PTPN7: variants seen among roughly 807,000 people sequenced by gnomAD.
PTPN7 encodes protein tyrosine phosphatase non-receptor type 7, also known as tyrosine-protein phosphatase non-receptor type 7.
PTPN7 carries 33 observed loss-of-function variants against 50.3 expected under a neutral mutation model. The ratio of observed to expected loss-of-function variants is 0.66; its 90% CI spans 0.50 to 0.88. PTPN7 has a LOEUF of 0.88. Ranked by LOEUF, PTPN7 falls within the 40% of genes least tolerant of loss-of-function variation. PTPN7 has a pLI of 0.00. For missense variants in PTPN7, 412 were observed against 475.4 expected (o/e 0.87, Z 1.24); for synonymous variants, 185 against 186.6 (o/e 0.99, Z 0.07).
At chr1:202,155,831 C>T (rs1332056516) in intron 4 of PTPN7, among the ~76,000 whole-genome samples, 3 of 152,328 alleles carry the variant, frequency 2.0e-5, no homozygotes, top group Non-Finnish European at 4.4e-5. Context: ...GCGATCATAG[C>T]TCACTGTAAC....
upstream of PTPN7, chr1:202,160,962 T>C (rs1657319353): frequency 7.0e-7 from 1 of 1,427,508 alleles, no homozygotes; most frequent in Admixed American, 2.9e-5. The surrounding 1 kb of genome is among the most constrained non-coding windows in gnomAD (Gnocchi z 4.8). Flanking sequence ...CTGCTCAACC[T>C]GACCTTGGCC....
Position 202,157,917 on chromosome 1 carries a change from T to C in PTPN7, c.307-94A>G, listed in dbSNP as rs1253744292. ...AGAACAGCTGGACTCTGGCCATTCC[T>C]TCTTGACAATAGTATGTAGGCCTAG... On this transcript the variant is annotated intron_variant, in intron 3 of 9. Transcript: ENST00000691036. 7 of 1,405,786 alleles carry C rather than the reference T, an allele frequency of 5.0e-6. No homozygotes were observed. The African/African-American group carries it at 5.7e-5, about 11-fold the overall frequency. The allele number at this position is 1,405,786 out of a possible 1,614,324, so 87.1% of individuals were successfully genotyped here. A position where few individuals can be genotyped will look rare whatever the true frequency, so the allele number is the denominator to read the frequency against.
chr1:202,149,619 C>T (rs547402731), intron 9 of PTPN7, among the ~76,000 whole-genome samples: 1 of 151,630 alleles, frequency 6.6e-6, no homozygotes, highest in East Asian at 1.9e-4. Flanking sequence ...ATAGTGAGAC[C>T]CCCATCTCTA....
At chr1:202,152,391 A>T (rs955213615) in intron 8 of PTPN7, 151 bp downstream of exon 8, 1 of 933,454 alleles carries the variant, frequency 1.1e-6, no homozygotes, top group Non-Finnish European at 1.5e-6. Context: ...TAAAAAGAAC[A>T]GAGCCCTTGC....
upstream of PTPN7, chr1:202,161,318 G>GCTTC: frequency 8.5e-7 from 1 of 1,172,636 alleles, no homozygotes; most frequent in Non-Finnish European, 1.1e-6. Flanking sequence ...AGTCCGAGGG[G>GCTTC]CTTCCCCTGG....
In PTPN7 at chr1:202,159,566, C is replaced by T; in HGVS notation, c.-52-112G>A. 6.7e-7 allele frequency: 1 copy of T among 1,498,684 alleles called. No individual in the cohort carries two copies. Among genetic ancestry groups the T allele is most frequent in the Non-Finnish European group, 8.9e-7 (1 of 1,127,374 alleles). 92.8% of individuals were successfully genotyped at this position (1,498,684 alleles called of 1,614,324 possible). A position where few individuals can be genotyped will look rare whatever the true frequency, so the allele number is the denominator to read the frequency against. ...GTTTTCACTGGGGCGTCTTCTGTTC[C>T]CCAAGAGGTGGCCTCATTTTCACTA... On this transcript the variant is annotated intron_variant, in intron 1 of 9. Transcript: ENST00000691036. This position sits in a 1 kb window ranked among gnomAD's most constrained non-coding sequence, Gnocchi z 4.6.
At chr1:202,150,266 G>T (rs115609498) in intron 9 of PTPN7, 45 bp downstream of exon 9, 7 of 1,480,414 alleles carry the variant, frequency 4.7e-6, no homozygotes, top group African/African-American at 1.4e-5. Flanking sequence ...AGGCACTGAT[G>T]CCATCCGTTA....
In PTPN7 at chr1:202,148,465, GA is replaced by G. The variant is rs1430368990; in HGVS notation, c.*140del. 1 of 629,136 alleles carries G rather than the reference GA, an allele frequency of 1.6e-6. No individual in the cohort carries two copies. The highest frequency in any genetic ancestry group is 3.0e-5 in the Admixed American group (1 of 33,270). 39.0% of individuals were successfully genotyped at this position (629,136 alleles called of 1,614,324 possible). A position where few individuals can be genotyped will look rare whatever the true frequency, so the allele number is the denominator to read the frequency against. ...TGTCCTTACTGCTGCTGCTTCCTGT[GA>G]CTGCAAGCACCACTAAGGAGGCACT... On this transcript the variant is annotated 3_prime_UTR_variant, in exon 10 of 10. Transcript: ENST00000691036.
chr1:202,154,280 G>A lies in PTPN7; in HGVS notation c.512C>T (p.Pro171Leu), dbSNP rs1042580383. 1.2e-6 allele frequency: 2 copies of A among 1,614,122 alleles called. No homozygotes were observed. The highest frequency in any genetic ancestry group is 1.7e-6 in the Non-Finnish European group (2 of 1,180,022). Residue 171 changes from proline (P) to leucine (L), a missense_variant, in exon 6 of 10, where the codon CCC becomes CTC. Coordinates refer to ENST00000691036, the MANE Select transcript of PTPN7 (RefSeq NM_002832.4). The stretch of plus-strand genomic sequence containing the variant: ...GAAGTCCGACACAGTGTTGGGCATG[G>A]GGCCCTGGGTGGCAATGTAGACCTT... ...KEKVYIATQG[P>L]MPNTVSDFWE...
chr1:202,159,574 G>A lies in PTPN7; in HGVS notation c.-52-120C>T. ...TGGGGCGTCTTCTGTTCCCCAAGAGGTGGCCTCATTTTCACTAAGGGAAGG... is the reference window on the plus strand; with the variant it reads ...TGGGGCGTCTTCTGTTCCCCAAGAGATGGCCTCATTTTCACTAAGGGAAGG... On this transcript the variant is annotated intron_variant, in intron 1 of 9. Transcript: ENST00000691036. The surrounding 1 kb of genome is among the most constrained non-coding windows in gnomAD (Gnocchi z 4.6). 2 of 1,494,652 alleles carry A rather than the reference G, an allele frequency of 1.3e-6. No homozygotes were observed. Among genetic ancestry groups the A allele is most frequent in the East Asian group, 2.3e-5 (1 of 43,776 alleles). The allele number at this position is 1,494,652 out of a possible 1,614,324, so 92.6% of individuals were successfully genotyped here.
In PTPN7 at chr1:202,148,519, C is replaced by G; in HGVS notation, c.*87G>C. ...TTCCCCACACCAACCCAAGGGGTAC[C>G]CCCAGATCACTCGGCCCACTTTCCC... On this transcript the variant is annotated 3_prime_UTR_variant, in exon 10 of 10. Transcript: ENST00000691036. 4.8e-6 allele frequency: 6 copies of G among 1,239,902 alleles called. No individual in the cohort carries two copies. Among genetic ancestry groups the G allele is most frequent in the Non-Finnish European group, 6.9e-6 (6 of 869,956 alleles). The allele number at this position is 1,239,902 out of a possible 1,614,324, so 76.8% of individuals were successfully genotyped here. A position where few individuals can be genotyped will look rare whatever the true frequency, so the allele number is the denominator to read the frequency against.
chr1:202,154,082 C>T, intron 6 of PTPN7, 104 bp downstream of exon 6: 1 of 1,530,242 alleles, frequency 6.5e-7, no homozygotes, highest in South Asian at 1.1e-5. Flanking sequence ...CTGGGGCTGG[C>T]TCCCAGGGAA....
chr1:202,153,976 T>C (rs1656350645), intron 6 of PTPN7, 141 bp from the exon 7 acceptor site: 1 of 987,636 alleles, frequency 1.0e-6, no homozygotes, highest in Non-Finnish European at 1.5e-6. Context: ...TCTTCTGAGC[T>C]TGATACCTGC....
chr1:202,160,535 A>G lies in PTPN7; in HGVS notation c.-53+10T>C. ...CCACAGGACTCCCAGTCCCCCCTTC[A>G]GATACTTACTGAAGCAGCTGTGGCC... On this transcript the variant is annotated intron_variant, in intron 1 of 9. Transcript: ENST00000691036. The surrounding 1 kb of genome is among the most constrained non-coding windows in gnomAD (Gnocchi z 4.8). 1 of 1,543,918 alleles carries G rather than the reference A, an allele frequency of 6.5e-7. No individual in the cohort carries two copies. The highest frequency in any genetic ancestry group is 8.8e-7 in the Non-Finnish European group (1 of 1,141,998).
chr1:202,160,701 G>A, upstream of PTPN7: 2 of 1,550,454 alleles, frequency 1.3e-6, no homozygotes, highest in Non-Finnish European at 1.7e-6. The surrounding 1 kb of genome is among the most constrained non-coding windows in gnomAD (Gnocchi z 4.8). Context: ...GCCCTCCTGT[G>A]CCTGCTGCCG....
At chr1:202,149,326 C>T (rs937086831) in intron 9 of PTPN7, among the ~76,000 whole-genome samples, 4 of 152,108 alleles carry the variant, frequency 2.6e-5, no homozygotes, top group Non-Finnish European at 4.4e-5. Context: ...AGCCTTGGGT[C>T]GGGCCAGGAA....
upstream of PTPN7, chr1:202,161,021 A>C (rs549553287): frequency 4.2e-5 from 43 of 1,015,338 alleles, no homozygotes; most frequent in Non-Finnish European, 5.0e-5. Context: ...CCTCTCCCTC[A>C]AGGCCCTCTC....
Position 202,159,477 on chromosome 1 carries a change from G to A in PTPN7, c.-52-23C>T. The A allele has an allele frequency of 6.2e-7, 1 of 1,605,806 alleles. No homozygotes were observed. Among genetic ancestry groups the A allele is most frequent in the Non-Finnish European group, 8.5e-7 (1 of 1,173,746 alleles). ...TGCCTGAAAGACAGGGCCCTCCGCT[G>A]CTGTTCTCTGGCCTGCCTGATTGGC... On this transcript the variant is annotated intron_variant, in intron 1 of 9. Transcript: ENST00000691036. The surrounding 1 kb of genome is among the most constrained non-coding windows in gnomAD (Gnocchi z 4.6).
At chr1:202,149,848 T>C (rs1276025842) in intron 9 of PTPN7, 2 of 148,886 alleles carry the variant, frequency 1.3e-5, no homozygotes, top group Non-Finnish European at 3.0e-5. Context: ...TTTTTTTTTT[T>C]TTGAGTCAGA....
Sources: allele counts gnomAD v4.1 joint callset (sites outside exome capture counted in the v4.1 genomes callset), GRCh38; gene constraint gnomAD v4.1.1; non-coding constraint Gnocchi (gnomAD v3.1); transcripts MANE v1.5; gene names NCBI Gene and HGNC (gene_info 2026-07-23, HGNC 2026-07-21).